SORCS1: variants seen among roughly 807,000 people sequenced by gnomAD.
SORCS1 encodes sortilin related VPS10 domain containing receptor 1.
A neutral mutation model predicts 146.1 loss-of-function variants in SORCS1; 60 were observed. The observed-to-expected ratio is 0.41, with a 90% CI of 0.33 to 0.51. SORCS1 has a LOEUF of 0.51. Among genes scored for constraint, SORCS1 ranks in the 20% least tolerant of loss-of-function variants. The pLI, the probability that SORCS1 is intolerant of heterozygous loss-of-function variation, is 0.21. For synonymous variants in SORCS1, 637 were observed against 584.0 expected (o/e 1.09, Z -1.31); for missense variants, 1,352 against 1,487.6 (o/e 0.91, Z 1.50).
At chr10:106,926,443 T>A (rs1953021498) in intron 2 of SORCS1, among the ~76,000 whole-genome samples, 1 of 152,120 alleles carries the variant, frequency 6.6e-6, no homozygotes, top group Admixed American at 6.5e-5. Flanking sequence ...AAAGTGGGGA[T>A]TAAAAAAAAG....
At position 107,146,184 on chromosome 10, in the gene SORCS1, T is replaced by A. The variant is rs1304436783; in HGVS notation, c.558+17785A>T. Among the ~76,000 whole-genome samples, 4 of 152,184 alleles carry A rather than the reference T, an allele frequency of 2.6e-5. No homozygotes were observed. In the East Asian group the frequency reaches 7.7e-4, roughly 29 times the overall value. ...AGAAGCAGATACATGTGTGTCTGTATAAATGTCCATCACATACACCCACAC... is the reference window on the plus strand; with the variant it reads ...AGAAGCAGATACATGTGTGTCTGTAAAAATGTCCATCACATACACCCACAC... On this transcript the variant is annotated intron_variant, in intron 1 of 25. Coordinates refer to ENST00000263054, the MANE Select transcript of SORCS1 (RefSeq NM_052918.5).
intron 1 of SORCS1, among the ~76,000 whole-genome samples, chr10:107,099,093 T>G (rs1437001233): frequency 6.6e-6 from 1 of 152,182 alleles, no homozygotes; most frequent in African/African-American, 2.4e-5. Context: ...TATATAGTGT[T>G]AAAGGTATTG....
At chr10:106,932,384 A>G (rs1953465632) in intron 2 of SORCS1, among the ~76,000 whole-genome samples, 2 of 152,030 alleles carry the variant, frequency 1.3e-5, no homozygotes, top group African/African-American at 4.8e-5. Context: ...TCCTGAAGCA[A>G]CTCACAGCAC....
intron 1 of SORCS1, among the ~76,000 whole-genome samples, chr10:107,099,189 A>C (rs886346399): frequency 6.6e-6 from 1 of 152,218 alleles, no homozygotes. Flanking sequence ...TTGGCAGATA[A>C]AAGTTTTTCA....
intron 1 of SORCS1, among the ~76,000 whole-genome samples, chr10:107,092,220 G>C (rs1251250795): frequency 1.3e-5 from 2 of 152,208 alleles, no homozygotes; most frequent in Non-Finnish European, 2.9e-5. Context: ...GCTTAGGAAA[G>C]AGAGAGACTC....
chr10:107,067,512 A>T (rs1302583279), intron 1 of SORCS1, among the ~76,000 whole-genome samples: 1 of 152,206 alleles, frequency 6.6e-6, no homozygotes, highest in Admixed American at 6.5e-5. Context: ...TAATTTTTGT[A>T]TGCATATAAC....
chr10:107,045,905 C>G (rs1299152881), intron 1 of SORCS1, among the ~76,000 whole-genome samples: 1 of 151,228 alleles, frequency 6.6e-6, no homozygotes, highest in Non-Finnish European at 1.5e-5. Context: ...ACACCTCAGT[C>G]TCCCAAGGAG....
At chr10:106,649,839 C>T (rs1023354109) in intron 18 of SORCS1, among the ~76,000 whole-genome samples, 2 of 152,076 alleles carry the variant, frequency 1.3e-5, no homozygotes, top group African/African-American at 4.8e-5. Context: ...GTATTTCCTG[C>T]TGTCCTTTCT....
chr10:106,704,935 G>A (rs983760242), intron 8 of SORCS1, among the ~76,000 whole-genome samples: 3 of 151,888 alleles, frequency 2.0e-5, no homozygotes, highest in African/African-American at 7.3e-5. Context: ...ACAAAACCTG[G>A]CTCTGTTGTA....
At chr10:106,613,834 G>A (rs1047537106) in intron 21 of SORCS1, among the ~76,000 whole-genome samples, 14 of 151,754 alleles carry the variant, frequency 9.2e-5, no homozygotes, top group African/African-American at 3.4e-4. Flanking sequence ...TGTGCTCCAG[G>A]ACCTGTACTT....
At chr10:106,822,074 TA>T (rs1948063233) in intron 3 of SORCS1, among the ~76,000 whole-genome samples, 1 of 152,174 alleles carries the variant, frequency 6.6e-6, no homozygotes, top group Admixed American at 6.5e-5. Flanking sequence ...GATCAGAATT[TA>T]CTGCCTGAAC....
chr10:107,007,670 G>A (rs182743209), intron 1 of SORCS1, among the ~76,000 whole-genome samples: 1 of 152,346 alleles, frequency 6.6e-6, no homozygotes, highest in African/African-American at 2.4e-5. Flanking sequence ...AAATAGGTAA[G>A]TAGAACATTC....
At chr10:106,936,048 T>C (rs1953695012) in intron 2 of SORCS1, among the ~76,000 whole-genome samples, 1 of 152,200 alleles carries the variant, frequency 6.6e-6, no homozygotes, top group African/African-American at 2.4e-5. Flanking sequence ...CTTTACTGCC[T>C]CCTGAAAATC....
intron 1 of SORCS1, among the ~76,000 whole-genome samples, chr10:107,054,481 C>T (rs1960410037): frequency 6.6e-6 from 1 of 152,048 alleles, no homozygotes. Flanking sequence ...GTATGTATCA[C>T]CTATGTGACA....
In SORCS1 at chr10:106,642,348, C is replaced by G. The variant is rs577647255; in HGVS notation, c.2475+10034G>C. 2.8e-4 allele frequency among the ~76,000 whole-genome samples: 42 copies of G among 152,292 alleles called. No homozygotes were observed. The South Asian group carries it at 8.5e-3, about 31-fold the overall frequency. ...TCACACTGTGATGTCATATAAGAAC[C>G]TAGCAGGGACCTCTAGGTTTCTTTG... On this transcript the variant is annotated intron_variant, in intron 18 of 25. Transcript: ENST00000263054.
chr10:107,122,416 CCT>C (rs1467328228), intron 1 of SORCS1, among the ~76,000 whole-genome samples: 3 of 152,120 alleles, frequency 2.0e-5, no homozygotes, highest in Admixed American at 2.0e-4. Context: ...GTGGCTCTTG[CCT>C]CTCTGATCAC....
At chr10:107,165,542 G>A (rs1970024508), upstream of SORCS1, among the ~76,000 whole-genome samples, 2 of 152,202 alleles carry the variant, frequency 1.3e-5, no homozygotes, top group South Asian at 4.1e-4. This position sits in a 1 kb window ranked among gnomAD's most constrained non-coding sequence, Gnocchi z 4.0. Flanking sequence ...CTTGGAGGAA[G>A]TGACCTGTTT....
intron 1 of SORCS1, among the ~76,000 whole-genome samples, chr10:107,120,712 T>G (rs545472903): frequency 2.6e-5 from 4 of 152,206 alleles, no homozygotes; most frequent in Admixed American, 6.5e-5. Context: ...AAAGCACGAC[T>G]GCTTAAACCG....
At chr10:106,697,319 C>T (rs934004468) in intron 9 of SORCS1, among the ~76,000 whole-genome samples, 7 of 151,706 alleles carry the variant, frequency 4.6e-5, no homozygotes, top group South Asian at 4.2e-4. Context: ...AGAAATTAGC[C>T]GGGCATGGTA....
Sources: allele counts gnomAD v4.1 joint callset (sites outside exome capture counted in the v4.1 genomes callset), GRCh38; gene constraint gnomAD v4.1.1; non-coding constraint Gnocchi (gnomAD v3.1); transcripts MANE v1.5; gene names NCBI Gene and HGNC (gene_info 2026-07-23, HGNC 2026-07-21).